Variants in ZNF483 observed in about 807,000 individuals in gnomAD.
ZNF483 encodes zinc finger protein 483.
Under a neutral mutation model 28.6 loss-of-function variants are expected in ZNF483, and 9 were observed. That is an observed-to-expected ratio of 0.32 (90% CI 0.19 to 0.55). The LOEUF (loss-of-function observed/expected upper bound fraction) is 0.55. ZNF483 is among the 20% of genes least tolerant of loss of function. The pLI, the probability that ZNF483 is intolerant of heterozygous loss-of-function variation, is 0.93. For missense variants in ZNF483, 675 were observed against 871.7 expected, an observed-to-expected ratio of 0.77 and a Z score of 2.84; for synonymous variants, 322 against 306.2, an observed-to-expected ratio of 1.05 and a Z score of -0.54.
chr9:111,541,927 G>A lies in ZNF483; in HGVS notation c.992G>A (p.Arg331Lys). Reference sequence around the variant, plus strand: ...GTCTACTTGAGGAAGAAATCTCGGAGGTATAATGAAAGCAAGAAACCCTTC... The same window carrying A: ...GTCTACTTGAGGAAGAAATCTCGGAAGTATAATGAAAGCAAGAAACCCTTC... ...LRVYLRKKSR[R>K]YNESKKPFSF... is the part of the protein sequence containing the mutation. The change falls in exon 6 of 6, where the codon AGG becomes AAG. Residue 331 changes from arginine to lysine, a missense_variant. Physicochemically the swap from Arg to Lys is conservative, Grantham distance 26 (BLOSUM62 2). Transcript: ENST00000309235. The A allele has an allele frequency of 6.2e-7, 1 of 1,614,028 alleles. No homozygotes were observed. Among genetic ancestry groups the A allele is most frequent in the Non-Finnish European group, 8.5e-7 (1 of 1,180,018 alleles).
intron 5 of ZNF483, among the ~76,000 whole-genome samples, chr9:111,540,005 G>C (rs1053181999): frequency 6.6e-6 from 1 of 152,054 alleles, no homozygotes; most frequent in African/African-American, 2.4e-5. Flanking sequence ...GGTGGCACCT[G>C]CCTGTGGTTC....
rs1827918225 is a variant in ZNF483 at position 111,550,786 on chromosome 9, ATTCT to A, written c.*7622_*7625del. Among the ~76,000 whole-genome samples the A allele has an allele frequency of 6.6e-6, 1 of 151,888 alleles. No individual in the cohort carries two copies. Among genetic ancestry groups the A allele is most frequent in the South Asian group, 2.1e-4 (1 of 4,804 alleles). ...TTTTTATTTCCAAGTGCATTATCTG[ATTCT>A]TTCTTCCTTTTTTCTAATTGGTTTT... On this transcript the variant is annotated 3_prime_UTR_variant, in exon 6 of 6. Coordinates refer to ENST00000309235, the MANE Select transcript of ZNF483 (RefSeq NM_133464.5).
At chr9:111,577,103 AT>A (rs1829092834) in exon 6 of ZNF483, 1 of 152,136 alleles carries the variant, frequency 6.6e-6, no homozygotes, top group Non-Finnish European at 1.5e-5. Flanking sequence ...AAAAAAAAAA[AT>A]CTTACAACCT....
At chr9:111,564,985 G>A (rs776716203) in intron 5 of ZNF483, among the ~76,000 whole-genome samples, 7 of 152,024 alleles carry the variant, frequency 4.6e-5, no homozygotes, top group African/African-American at 1.4e-4. Context: ...TTAGCCAGGC[G>A]TGGTGGCGTG....
Position 111,527,373 on chromosome 9 carries a change from T to C in ZNF483, c.-23T>C. ...ATACTCAACTAGAGTGTGAAGGGAC[T>C]GGATTCCTGCCCCTGAGACACAATG... On this transcript the variant is annotated 5_prime_UTR_variant, in exon 2 of 6. Transcript: ENST00000309235. 1 of 1,607,540 alleles carries C rather than the reference T, an allele frequency of 6.2e-7. No homozygotes were observed. The highest frequency in any genetic ancestry group is 8.5e-7 in the Non-Finnish European group (1 of 1,177,120).
chr9:111,561,297 A>G (rs1160932530), intron 5 of ZNF483, among the ~76,000 whole-genome samples: 1 of 151,832 alleles, frequency 6.6e-6, no homozygotes, highest in African/African-American at 2.4e-5. Flanking sequence ...TTTTTTAGAC[A>G]CAGGGTCTTA....
At position 111,550,998 on chromosome 9, in the gene ZNF483, TA is replaced by T. The variant is rs1827924594; in HGVS notation, c.*7833del. ...CTATTTATATTTAAGAGCAGGGCTC[TA>T]AAAAGCTGATTGGAAGGTGTTTTAG... On this transcript the variant is annotated 3_prime_UTR_variant, in exon 6 of 6. Transcript: ENST00000309235. Among the ~76,000 whole-genome samples, 1 of 152,218 alleles carries T rather than the reference TA, an allele frequency of 6.6e-6. No homozygotes were observed. Among genetic ancestry groups the T allele is most frequent in the South Asian group, 2.1e-4 (1 of 4,830 alleles).
intron 3 of ZNF483, 68 bp from the exon 4 acceptor site, chr9:111,533,671 C>G: frequency 9.0e-7 from 1 of 1,112,034 alleles, no homozygotes; most frequent in East Asian, 3.4e-5. Context: ...TAGCCTGTCT[C>G]AAAAAAAAAA....
At position 111,547,468 on chromosome 9, in the gene ZNF483, C is replaced by A. The variant is rs1014071215; in HGVS notation, c.*4298C>A. Among the ~76,000 whole-genome samples the A allele has an allele frequency of 6.6e-6, 1 of 151,934 alleles. No individual in the cohort carries two copies. The highest frequency in any genetic ancestry group is 6.6e-5 in the Admixed American group (1 of 15,252). On this transcript the variant is annotated 3_prime_UTR_variant, in exon 6 of 6. Coordinates refer to ENST00000309235, the MANE Select transcript of ZNF483 (RefSeq NM_133464.5). ...CTTTGGAGAAATGTTTATTGAAGTC[C>A]TTTGCCCATTTTTTAATTGGTTTTG...
Position 111,549,887 on chromosome 9 carries a change from C to T in ZNF483, c.*6717C>T, listed in dbSNP as rs1827889537. The T allele has an allele frequency of 5.1e-6, 4 of 788,878 alleles. No homozygotes were observed. Among genetic ancestry groups the T allele is most frequent in the African/African-American group, 1.8e-5 (1 of 56,352 alleles). The allele number at this position is 788,878 out of a possible 1,614,324, so 48.9% of individuals were successfully genotyped here. A position where few individuals can be genotyped will look rare whatever the true frequency, so the allele number is the denominator to read the frequency against. On this transcript the variant is annotated 3_prime_UTR_variant, in exon 6 of 6. Coordinates refer to ENST00000309235, the MANE Select transcript of ZNF483 (RefSeq NM_133464.5). ...GTCTAGTGAGTCAATGTTTGGTCTT[C>T]CTCATGTCCATTTTTTGTTGGTTTA...
At chr9:111,531,812 G>A (rs920041054) in intron 3 of ZNF483, among the ~76,000 whole-genome samples, 4 of 152,208 alleles carry the variant, frequency 2.6e-5, no homozygotes, top group Admixed American at 6.5e-5. Flanking sequence ...CTCATGAGTA[G>A]CTGGGACAAC....
intron 5 of ZNF483, among the ~76,000 whole-genome samples, chr9:111,572,253 T>A (rs927419982): frequency 6.6e-6 from 1 of 152,144 alleles, no homozygotes; most frequent in African/African-American, 2.4e-5. Context: ...AAGACCCACA[T>A]CAACTATTCT....
chr9:111,559,840 T>G (rs576565740), downstream of ZNF483, among the ~76,000 whole-genome samples: 1 of 152,078 alleles, frequency 6.6e-6, no homozygotes, highest in Non-Finnish European at 1.5e-5. Flanking sequence ...GGGCAGTGAC[T>G]TTTTTTTCTC....
chr9:111,534,724 T>C, intron 5 of ZNF483, among the ~76,000 whole-genome samples: 1 of 139,990 alleles, frequency 7.1e-6, no homozygotes, highest in Middle Eastern at 3.5e-3. Flanking sequence ...CTATCTTTTT[T>C]TTTTTTTTTT....
rs1412400164 is a variant in ZNF483 at position 111,554,244 on chromosome 9, A to G, written c.*11074A>G. 1.3e-5 allele frequency among the ~76,000 whole-genome samples: 2 copies of G among 152,310 alleles called. No individual in the cohort carries two copies. The highest frequency in any genetic ancestry group is 3.9e-4 in the East Asian group (2 of 5,178). ...GTTTTTTGTTTGTTTGCCTGGGAGC[A>G]TTGTGGAAAAATGGCCATGGTACTA... On this transcript the variant is annotated 3_prime_UTR_variant, in exon 6 of 6. Transcript: ENST00000309235.
chr9:111,567,650 C>T (rs1828623081), intron 5 of ZNF483, among the ~76,000 whole-genome samples: 1 of 152,160 alleles, frequency 6.6e-6, no homozygotes, highest in African/African-American at 2.4e-5. Context: ...AATATTAGCA[C>T]TTTGGTTTAC....
chr9:111,542,006 G>T lies in ZNF483; in HGVS notation c.1071G>T (p.Lys357Asn). 1 of 1,614,060 alleles carries T rather than the reference G, an allele frequency of 6.2e-7. No homozygotes were observed. The highest frequency in any genetic ancestry group is 8.5e-7 in the Non-Finnish European group (1 of 1,179,958). Residue 357 changes from lysine to asparagine, a missense_variant, in exon 6 of 6, where the codon AAG becomes AAT. Lys to Asn is a moderately conservative substitution (Grantham distance 94). This residue lies in a region of ZNF483 where 525 missense variants were observed against 581.8 expected (regional missense o/e 0.90). Coordinates refer to ENST00000309235, the MANE Select transcript of ZNF483 (RefSeq NM_133464.5). The surrounding 1 kb of genome is among the most constrained non-coding windows in gnomAD (Gnocchi z 6.2). ...LNRKEKTAGE[K>N]SRKSNDGGKV... is the part of the protein sequence containing the mutation. ...GCAAGGAGAAAACCGCCGGAGAAAA[G>T]TCACGGAAATCTAATGATGGTGGGA...
intron 2 of ZNF483, among the ~76,000 whole-genome samples, chr9:111,529,243 G>T (rs1163687778): frequency 6.6e-6 from 1 of 151,614 alleles, no homozygotes; most frequent in African/African-American, 2.4e-5. Context: ...AATTTTTATT[G>T]ATTGTCTAAT....
chr9:111,542,197 G>C lies in ZNF483; in HGVS notation c.1262G>C (p.Cys421Ser). Reference protein sequence around the residue: ...PMCEKCRKDSCQEAALNKDEG... With the variant: ...PMCEKCRKDSSQEAALNKDEG... ...TGTGAGAAATGTCGGAAAGATTCAT[G>C]TCAAGAAGCAGCCTTAAATAAAGAT... The change falls in exon 6 of 6, where the codon TGT becomes TCT. Residue 421 changes from cysteine (C) to serine (S), a missense_variant. By Grantham distance (112) the Cys-to-Ser change is moderately radical. Transcript: ENST00000309235. The surrounding 1 kb of genome is among the most constrained non-coding windows in gnomAD (Gnocchi z 6.2). 6.2e-7 allele frequency: 1 copy of C among 1,614,076 alleles called. No individual in the cohort carries two copies. Among genetic ancestry groups the C allele is most frequent in the Non-Finnish European group, 8.5e-7 (1 of 1,180,024 alleles).
Sources: gnomAD v4.1 joint callset for allele counts (sites outside exome capture counted in the v4.1 genomes callset) on GRCh38, gnomAD v4.1.1 for gene constraint, gnomAD v4.1.1 regional missense constraint, Gnocchi (gnomAD v3.1) non-coding constraint, MANE v1.5 for transcripts, NCBI Gene and HGNC (gene_info 2026-07-23, HGNC 2026-07-21) for gene names.